Variants in APLP2 observed in about 807,000 individuals in gnomAD.
APLP2 encodes the protein CDEI box-binding protein.
In APLP2, 53 loss-of-function variants were observed where a neutral mutation model predicts 89.9. The ratio of observed to expected loss-of-function variants is 0.59; its 90% CI spans 0.47 to 0.74. The LOEUF (loss-of-function observed/expected upper bound fraction) is 0.74, where lower values mean the gene tolerates loss of function less well. Among genes scored for constraint, APLP2 ranks in the 30% least tolerant of loss-of-function variants. The pLI, the probability that APLP2 is intolerant of heterozygous loss-of-function variation, is 0.00. For missense variants in APLP2, 973 were observed against 975.9 expected (o/e 1.00, Z 0.04); for synonymous variants, 372 against 348.6 (o/e 1.07, Z -0.75).
At chr11:130,138,899 A>G (rs1376636459) in intron 13 of APLP2, 1 of 151,966 alleles carries the variant, frequency 6.6e-6, no homozygotes, top group Non-Finnish European at 1.5e-5. Context: ...GTATCCAGTG[A>G]CAGTAGACCT....
At chr11:130,070,637 C>T in intron 1 of APLP2, 1 of 1,460,422 alleles carries the variant, frequency 6.8e-7, no homozygotes, top group Non-Finnish European at 9.0e-7. Context: ...GGGGGAGCTC[C>T]CGCGCCAGGC....
At chr11:130,122,222 G>A in intron 5 of APLP2, 83 bp from the exon 6 acceptor site, 1 of 1,498,454 alleles carries the variant, frequency 6.7e-7, no homozygotes, top group Non-Finnish European at 9.1e-7. Context: ...CTGTTTTTGT[G>A]TTTCAGAATA....
intron 1 of APLP2, among the ~76,000 whole-genome samples, chr11:130,086,151 TC>T (rs1263427080): frequency 3.9e-5 from 6 of 152,264 alleles, no homozygotes; most frequent in Non-Finnish European, 7.3e-5. Flanking sequence ...TGTTCTCCAG[TC>T]CCACTGACAG....
At chr11:130,137,825 G>T (rs1951812478) in intron 13 of APLP2, among the ~76,000 whole-genome samples, 1 of 152,156 alleles carries the variant, frequency 6.6e-6, no homozygotes, top group South Asian at 2.1e-4. Context: ...CAAACAGCTG[G>T]AGACAACCCA....
intron 1 of APLP2, among the ~76,000 whole-genome samples, chr11:130,098,321 C>T (rs887744963): frequency 2.6e-4 from 39 of 151,914 alleles, no homozygotes; most frequent in African/African-American, 8.7e-4. Flanking sequence ...AGGAGAATTG[C>T]TAGAACCCGG....
At chr11:130,133,414 C>T (rs146286788) in intron 11 of APLP2, among the ~76,000 whole-genome samples, 156 of 152,290 alleles carry the variant, frequency 1.0e-3, no homozygotes, top group African/African-American at 1.7e-3. Context: ...TGAGCCACCA[C>T]GCCCAGGCTG....
At chr11:130,082,783 C>A (rs1591764005) in intron 1 of APLP2, 1 of 204,354 alleles carries the variant, frequency 4.9e-6, no homozygotes, top group South Asian at 7.0e-5. Flanking sequence ...GTATGTCAGA[C>A]TCATTGCCTA....
chr11:130,116,482 C>T lies in APLP2; in HGVS notation c.404-4224C>T, dbSNP rs559027659. 7.9e-5 allele frequency among the ~76,000 whole-genome samples: 12 copies of T among 151,914 alleles called. No individual in the cohort carries two copies. In the South Asian group the frequency reaches 2.3e-3, roughly 29 times the overall value. On this transcript the variant is annotated intron_variant, in intron 3 of 16. Transcript: ENST00000338167. ...CTAGTTATTTCCTTAGGGTGTGTATCTTTTTCTTTTTTTCTTTTTCTTTTT... is the reference window on the plus strand; with the variant it reads ...CTAGTTATTTCCTTAGGGTGTGTATTTTTTTCTTTTTTTCTTTTTCTTTTT...
At chr11:130,070,649 G>T (rs1449667487) in intron 1 of APLP2, 6 of 1,466,190 alleles carry the variant, frequency 4.1e-6, no homozygotes, top group East Asian at 3.0e-5. Flanking sequence ...GCGCCAGGCC[G>T]CCCGCTGCTC....
chr11:130,092,663 A>G (rs1307584380), intron 1 of APLP2, among the ~76,000 whole-genome samples: 2 of 119,076 alleles, frequency 1.7e-5, no homozygotes, highest in Non-Finnish European at 3.4e-5. Flanking sequence ...TGGCAGCAGT[A>G]CAGTCCAGCT....
At chr11:130,115,565 T>C (rs1025681282) in intron 3 of APLP2, among the ~76,000 whole-genome samples, 3 of 152,268 alleles carry the variant, frequency 2.0e-5, no homozygotes, top group African/African-American at 7.2e-5. Flanking sequence ...TTTTGCTATA[T>C]TGCCATATTC....
intron 3 of APLP2, among the ~76,000 whole-genome samples, chr11:130,111,697 C>A (rs781375856): frequency 1.3e-5 from 2 of 152,078 alleles, no homozygotes; most frequent in South Asian, 4.1e-4. Flanking sequence ...TGCTTACCAC[C>A]GTTTACTTTA....
At chr11:130,072,809 C>T (rs1337602562) in intron 1 of APLP2, among the ~76,000 whole-genome samples, 2 of 152,082 alleles carry the variant, frequency 1.3e-5, no homozygotes, top group African/African-American at 4.8e-5. Context: ...TTTTAAAAAT[C>T]TTTTGATAAA....
chr11:130,129,019 C>A, intron 9 of APLP2, 29 bp from the exon 10 acceptor site: 2 of 1,600,148 alleles, frequency 1.2e-6, no homozygotes, highest in Non-Finnish European at 1.7e-6. Context: ...TGCCACAAAT[C>A]ATGTGTGGTT....
rs546391563 is a variant in APLP2, at chr11:130,123,793, C to T, written c.1090+14C>T. 2.7e-5 allele frequency: 43 copies of T among 1,612,482 alleles called. No individual in the cohort carries two copies. Among genetic ancestry groups the T allele is most frequent in the Admixed American group, 6.7e-5 (4 of 59,916 alleles). On this transcript the variant is annotated intron_variant, in intron 7 of 16. Transcript: ENST00000338167. The surrounding 1 kb of genome is among the most constrained non-coding windows in gnomAD (Gnocchi z 4.0). ...GTAAAGCGATGAGTAAGTCCTGCCT[C>T]GCGCTGGTCCCGTGCGGCAGCACCG...
intron 7 of APLP2, among the ~76,000 whole-genome samples, chr11:130,125,252 C>G (rs1203777487): frequency 2.0e-5 from 3 of 152,232 alleles, no homozygotes; most frequent in Non-Finnish European, 4.4e-5. Context: ...GCTGTCCTCT[C>G]CACTCTGGTC....
chr11:130,102,273 TA>T (rs34241910), intron 1 of APLP2, among the ~76,000 whole-genome samples: 4 of 152,240 alleles, frequency 2.6e-5, no homozygotes, highest in Non-Finnish European at 5.9e-5. Context: ...GACTTTTCCT[TA>T]AAAAAGGTTT....
At chr11:130,119,018 G>A (rs1238341787) in intron 3 of APLP2, among the ~76,000 whole-genome samples, 3 of 152,190 alleles carry the variant, frequency 2.0e-5, no homozygotes, top group Non-Finnish European at 2.9e-5. Context: ...TACCACTGGG[G>A]CGGTAGAAAG....
chr11:130,073,977 T>G (rs1263697805), intron 1 of APLP2, among the ~76,000 whole-genome samples: 2 of 152,210 alleles, frequency 1.3e-5, no homozygotes, highest in African/African-American at 4.8e-5. Context: ...TTTTGCCAAA[T>G]TATTTGAGAG....
Sources: allele counts gnomAD v4.1 joint callset (sites outside exome capture counted in the v4.1 genomes callset), GRCh38; gene constraint gnomAD v4.1.1; non-coding constraint Gnocchi (gnomAD v3.1); transcripts MANE v1.5; gene names NCBI Gene and HGNC (gene_info 2026-07-23, HGNC 2026-07-21).